The following LAMB1 variants were observed in gnomAD, a reference collection of about 807,000 sequenced individuals.
The protein encoded by LAMB1 is laminin subunit beta-1.
LAMB1 carries 121 observed loss-of-function variants against 222.3 expected under a neutral mutation model. That is an observed-to-expected ratio of 0.54 (90% confidence interval 0.47 to 0.63). The LOEUF is 0.63. LAMB1 is among the 30% of genes least tolerant of loss of function. The pLI is 0.00. For missense variants in LAMB1, 2,172 were observed against 2,240.8 expected (o/e 0.97, Z 0.62); for synonymous variants, 794 against 807.2 (o/e 0.98, Z 0.28).
chr7:107,969,922 G>T (rs1361774027), intron 13 of LAMB1, among the ~76,000 whole-genome samples: 1 of 152,106 alleles, frequency 6.6e-6, no homozygotes, highest in African/African-American at 2.4e-5. Context: ...ATTAACAAAG[G>T]GTTAGCTACA....
At chr7:107,964,999 A>G (rs940362185) in intron 13 of LAMB1, among the ~76,000 whole-genome samples, 2 of 152,120 alleles carry the variant, frequency 1.3e-5, no homozygotes, top group Non-Finnish European at 1.5e-5. Flanking sequence ...TCTTTTGCTT[A>G]TTTCCTGAGA....
intron 10 of LAMB1, 29 bp downstream of exon 10, chr7:107,975,660 C>T: frequency 1.3e-6 from 2 of 1,589,964 alleles, no homozygotes; most frequent in African/African-American, 2.7e-5. Context: ...AAGTAGGTCC[C>T]ACACAGTGAG....
At chr7:107,982,199 C>T (rs2033985620) in intron 7 of LAMB1, among the ~76,000 whole-genome samples, 2 of 152,208 alleles carry the variant, frequency 1.3e-5, no homozygotes, top group Admixed American at 1.3e-4. Flanking sequence ...ACGGGGTTTT[C>T]GTGAGTTACT....
chr7:107,985,794 C>T lies in LAMB1; in HGVS notation c.676+228G>A, dbSNP rs113855977. The stretch of plus-strand genomic sequence containing the variant: ...CCAACATGGAGAAACCCCGTCTCTA[C>T]TAAAAATACAAAATTAGCTGGGCGT... On this transcript the variant is annotated intron_variant, in intron 7 of 33. Coordinates refer to ENST00000222399, the MANE Select transcript of LAMB1 (RefSeq NM_002291.3). 0.16 allele frequency among the ~76,000 whole-genome samples: 24,282 copies of T among 151,386 alleles called. 2,565 individuals carry two copies. The highest frequency in any genetic ancestry group is 0.35 in the East Asian group (1,789 of 5,112).
At chr7:107,987,348 G>C (rs2034098891) in intron 5 of LAMB1, among the ~76,000 whole-genome samples, 1 of 152,132 alleles carries the variant, frequency 6.6e-6, no homozygotes. Context: ...AAAAGTTCTG[G>C]AAATAGACAG....
At chr7:107,946,467 GTC>G (rs760682640) in intron 24 of LAMB1, among the ~76,000 whole-genome samples, 2 of 152,206 alleles carry the variant, frequency 1.3e-5, no homozygotes, top group African/African-American at 2.4e-5. Context: ...AGGCCATTCT[GTC>G]TCTGTTATGA....
At chr7:107,978,012 A>C (rs1198752455) in intron 9 of LAMB1, 35 bp downstream of exon 9, 1 of 1,613,264 alleles carries the variant, frequency 6.2e-7, no homozygotes, top group East Asian at 2.2e-5. Flanking sequence ...CTAGAGCCTG[A>C]ATGGATTTAA....
At chr7:107,965,100 C>CA (rs1182378510) in intron 13 of LAMB1, among the ~76,000 whole-genome samples, 3 of 152,364 alleles carry the variant, frequency 2.0e-5, no homozygotes, top group Non-Finnish European at 4.4e-5. Context: ...CAGAAGCCCT[C>CA]AATCCCTCGG....
At position 107,935,490 on chromosome 7, in the gene LAMB1, T is replaced by G; in HGVS notation, c.4113A>C (p.Gln1371His). ...MERESQFKEK[Q>H]EEQARLLDEL... ...CATCAAGGAGGCGAGCCTGCTCCTC[T>G]TGTTTTTCCTTGAACTGGGATTCTC... The change falls in exon 27 of 34, where the codon CAA (glutamine) becomes CAC (histidine). Residue 1371 changes from glutamine (Q) to histidine (H), a missense_variant. Physicochemically the swap from Gln to His is conservative, Grantham distance 24. Transcript: ENST00000222399. 1 of 1,613,872 alleles carries G rather than the reference T, an allele frequency of 6.2e-7. No individual in the cohort carries two copies. Among genetic ancestry groups the G allele is most frequent in the Non-Finnish European group, 8.5e-7 (1 of 1,179,968 alleles).
chr7:107,986,834 C>T (rs2034088327), intron 5 of LAMB1, among the ~76,000 whole-genome samples: 1 of 152,128 alleles, frequency 6.6e-6, no homozygotes, highest in South Asian at 2.1e-4. Flanking sequence ...CAATAATTTG[C>T]AATATGCTAT....
chr7:107,979,121 G>C (rs17154688), intron 8 of LAMB1, among the ~76,000 whole-genome samples: 2,886 of 152,312 alleles, frequency 0.019, 97 homozygotes, highest in African/African-American at 0.064. Context: ...CATGCTGTGA[G>C]ACCCGTGATA....
intron 13 of LAMB1, among the ~76,000 whole-genome samples, chr7:107,966,479 G>T (rs2033639841): frequency 6.6e-6 from 1 of 152,118 alleles, no homozygotes. Context: ...AAAGTGCTGG[G>T]ATTACAGGTG....
chr7:107,975,552 C>A, intron 10 of LAMB1, 137 bp downstream of exon 10: 1 of 1,225,478 alleles, frequency 8.2e-7, no homozygotes, highest in South Asian at 1.5e-5. Context: ...AAATTCCACT[C>A]CCAGCGTCTT....
rs35953236 is a variant in LAMB1, at chr7:107,961,402, C to G, written c.1986-73G>C. 0.04 allele frequency: 64,122 copies of G among 1,592,918 alleles called. 1,522 individuals carry two copies. Among genetic ancestry groups the G allele is most frequent in the Non-Finnish European group, 0.046 (54,396 of 1,170,500 alleles). ...GCATCCAAAAAATAAAAATTAAAAA[C>G]AAAGCTCTGCATCGATAATTCCAAA... is the stretch of plus-strand genomic sequence containing the variant. On this transcript the variant is annotated intron_variant, in intron 16 of 33. Coordinates refer to ENST00000222399, the MANE Select transcript of LAMB1 (RefSeq NM_002291.3).
At chr7:107,975,208 C>G (rs1359740509) in intron 11 of LAMB1, 26 bp downstream of exon 11, 1 of 1,598,664 alleles carries the variant, frequency 6.3e-7, no homozygotes, top group East Asian at 2.2e-5. Context: ...AAGAAAACTC[C>G]CAAACTTTTT....
chr7:107,964,721 C>A, intron 13 of LAMB1, 34 bp from the exon 14 acceptor site: 2 of 1,611,398 alleles, frequency 1.2e-6, no homozygotes, highest in South Asian at 2.2e-5. Context: ...CAGCTGAGTT[C>A]ATGGTCACGC....
chr7:107,961,244 CAGA>C lies in LAMB1; in HGVS notation c.2068_2070del (p.Ser690del). On this transcript the variant is annotated inframe_deletion, in exon 17 of 34. Transcript: ENST00000222399. Reference sequence around the variant, plus strand: ...GTGTAGGGGCTCTCCACGTCGCTATCAGAGGAGGTGTACTGAGGCAGCTCCAAC... The same window carrying C: ...GTGTAGGGGCTCTCCACGTCGCTATCGGAGGTGTACTGAGGCAGCTCCAAC... 1.9e-6 allele frequency: 3 copies of C among 1,614,106 alleles called. No individual in the cohort carries two copies. Among genetic ancestry groups the C allele is most frequent in the South Asian group, 2.2e-5 (2 of 91,078 alleles).
At chr7:107,951,848 C>T (rs1423993928) in intron 23 of LAMB1, among the ~76,000 whole-genome samples, 161 bp downstream of exon 23, 1 of 152,162 alleles carries the variant, frequency 6.6e-6, no homozygotes, top group Admixed American at 6.5e-5. Context: ...ACTCTGTGCA[C>T]AGTTATGTAG....
intron 13 of LAMB1, among the ~76,000 whole-genome samples, chr7:107,965,714 G>A (rs537138814): frequency 1.3e-5 from 2 of 152,148 alleles, no homozygotes; most frequent in East Asian, 3.8e-4. Flanking sequence ...CTCAAGGTTT[G>A]TTCTTTCTTT....
Sources: gnomAD v4.1 joint callset for allele counts (sites outside exome capture counted in the v4.1 genomes callset) on GRCh38, gnomAD v4.1.1 for gene constraint, MANE v1.5 for transcripts, NCBI Gene and HGNC (gene_info 2026-07-23, HGNC 2026-07-21) for gene names.